Variants in SCHIP1 observed in about 807,000 individuals in gnomAD.
SCHIP1 encodes schwannomin interacting protein 1.
SCHIP1 carries 8 observed loss-of-function variants against 29.7 expected under a neutral mutation model. That is an observed-to-expected ratio of 0.27 (90% CI 0.16 to 0.49). SCHIP1 has a LOEUF of 0.49. Ranked by LOEUF, SCHIP1 falls within the 20% of genes least tolerant of loss-of-function variation. The pLI is 0.99. For missense variants in SCHIP1, 193 were observed against 294.6 expected (o/e 0.66, Z 2.52); for synonymous variants, 76 against 94.9 (o/e 0.80, Z 1.16).
At chr3:159,322,899 G>A in the SCHIP1 span, among the ~76,000 whole-genome samples, 1 of 152,204 alleles carries the variant, frequency 6.6e-6, no homozygotes, top group African/African-American at 2.4e-5. Context: ...TGTTCTGAAA[G>A]AGTAATAAAA....
intron 5 of SCHIP1, among the ~76,000 whole-genome samples, chr3:159,890,404 C>T (rs925911716): frequency 1.3e-5 from 2 of 152,078 alleles, no homozygotes; most frequent in African/African-American, 4.8e-5. Context: ...AGACACTCTA[C>T]TAAGTGACAG....
the SCHIP1 span, among the ~76,000 whole-genome samples, chr3:159,285,850 TAGAAACCAGGA>T: frequency 6.6e-6 from 1 of 152,152 alleles, no homozygotes; most frequent in African/African-American, 2.4e-5. Context: ...GGGAGTACAA[TAGAAACCAGGA>T]TAGAGGCATT....
chr3:159,525,475 T>G, the SCHIP1 span, among the ~76,000 whole-genome samples: 1 of 152,220 alleles, frequency 6.6e-6, no homozygotes, highest in African/African-American at 2.4e-5. Context: ...ACCCTTGAGG[T>G]GCTGAAGCAC....
chr3:159,585,840 G>A, the SCHIP1 span, among the ~76,000 whole-genome samples: 1 of 152,094 alleles, frequency 6.6e-6, no homozygotes. Context: ...CATTTAGAAT[G>A]TTTTATCATA....
At chr3:159,587,015 G>A in the SCHIP1 span, among the ~76,000 whole-genome samples, 9 of 152,152 alleles carry the variant, frequency 5.9e-5, 1 homozygote, top group South Asian at 4.1e-4. Flanking sequence ...AAAACTGCAC[G>A]TGCTGTTTGT....
chr3:159,740,284 C>T, the SCHIP1 span, among the ~76,000 whole-genome samples: 3 of 152,192 alleles, frequency 2.0e-5, no homozygotes, highest in Non-Finnish European at 4.4e-5. Context: ...GGCTGCAGGC[C>T]ATACCCACAC....
the SCHIP1 span, among the ~76,000 whole-genome samples, chr3:159,546,481 G>T: frequency 6.6e-5 from 10 of 151,992 alleles, no homozygotes; most frequent in Non-Finnish European, 1.5e-4. Flanking sequence ...GCATACATGT[G>T]CCATGGTGGT....
At chr3:159,825,487 T>C in the SCHIP1 span, among the ~76,000 whole-genome samples, 1 of 152,178 alleles carries the variant, frequency 6.6e-6, no homozygotes, top group Non-Finnish European at 1.5e-5. Flanking sequence ...ATTCATTGTC[T>C]TGAGGTGAGC....
chr3:159,894,724 A>G (rs1305699871), intron 6 of SCHIP1: 1 of 152,084 alleles, frequency 6.6e-6, no homozygotes, highest in African/African-American at 2.4e-5. Flanking sequence ...AAAAAAAAAA[A>G]AAAAGAGTTT....
chr3:159,441,784 T>A, the SCHIP1 span, among the ~76,000 whole-genome samples: 4 of 151,940 alleles, frequency 2.6e-5, no homozygotes, highest in Non-Finnish European at 5.9e-5. Context: ...GAGGGAGAGA[T>A]CAAGGAGAGT....
chr3:159,316,100 C>G, the SCHIP1 span, among the ~76,000 whole-genome samples: 1 of 151,966 alleles, frequency 6.6e-6, no homozygotes. Flanking sequence ...CCCTGGAGAT[C>G]AGGTACCTAG....
the SCHIP1 span, among the ~76,000 whole-genome samples, chr3:159,295,731 C>A: frequency 6.6e-6 from 1 of 152,222 alleles, no homozygotes; most frequent in Admixed American, 6.5e-5. Flanking sequence ...TTGCCCCTGC[C>A]CTGTGTTAAA....
the SCHIP1 span, among the ~76,000 whole-genome samples, chr3:159,506,257 A>C: frequency 3.9e-5 from 6 of 152,206 alleles, no homozygotes; most frequent in Non-Finnish European, 5.9e-5. Flanking sequence ...TTTTGGCTGC[A>C]TAAATGTCTT....
the SCHIP1 span, among the ~76,000 whole-genome samples, chr3:159,657,739 C>G: frequency 9.8e-5 from 15 of 152,316 alleles, no homozygotes; most frequent in South Asian, 3.1e-3. Flanking sequence ...TTAATAAGTG[C>G]CATCAATGGC....
chr3:159,389,703 T>G, the SCHIP1 span, among the ~76,000 whole-genome samples: 10 of 152,196 alleles, frequency 6.6e-5, no homozygotes, highest in Admixed American at 6.5e-4. Context: ...TTAAATTGTT[T>G]GAAAAAATTT....
At chr3:159,429,356 C>T in the SCHIP1 span, among the ~76,000 whole-genome samples, 2 of 151,970 alleles carry the variant, frequency 1.3e-5, no homozygotes, top group African/African-American at 4.8e-5. Context: ...AATTCCTTAT[C>T]TCTCCCACAG....
the SCHIP1 span, among the ~76,000 whole-genome samples, chr3:159,429,569 T>A: frequency 6.6e-6 from 1 of 152,188 alleles, no homozygotes; most frequent in Non-Finnish European, 1.5e-5. Flanking sequence ...ACCCTCCAAC[T>A]GTAAAGTATT....
chr3:159,690,779 G>A, the SCHIP1 span, among the ~76,000 whole-genome samples: 1 of 152,200 alleles, frequency 6.6e-6, no homozygotes, highest in South Asian at 2.1e-4. Flanking sequence ...GTCTCCCAGA[G>A]ATTCTGGTGT....
At chr3:159,426,793 C>G in the SCHIP1 span, among the ~76,000 whole-genome samples, 10 of 152,162 alleles carry the variant, frequency 6.6e-5, no homozygotes, top group Non-Finnish European at 1.5e-4. Context: ...CAATAAAATA[C>G]TGGCAAACTG....
Sources: allele counts gnomAD v4.1 joint callset (sites outside exome capture counted in the v4.1 genomes callset), GRCh38; gene constraint gnomAD v4.1.1; transcripts MANE v1.5; gene names NCBI Gene and HGNC (gene_info 2026-07-23, HGNC 2026-07-21).